Variants in LRRTM4 observed in about 807,000 individuals in gnomAD.
The protein encoded by LRRTM4 is leucine-rich repeat transmembrane neuronal protein 4.
In LRRTM4, 25 loss-of-function variants were observed where a neutral mutation model predicts 47.6. The ratio of observed to expected loss-of-function variants is 0.53; its 90% CI spans 0.38 to 0.73. The LOEUF (loss-of-function observed/expected upper bound fraction) is 0.73. LRRTM4 is among the 30% of genes least tolerant of loss of function. LRRTM4 has a pLI of 0.00. For missense variants in LRRTM4, 638 were observed against 713.4 expected (o/e 0.89, Z 1.20); for synonymous variants, 311 against 269.5 (o/e 1.15, Z -1.51).
chr2:76,863,555 G>A (rs1011914120), intron 3 of LRRTM4, among the ~76,000 whole-genome samples: 2 of 152,066 alleles, frequency 1.3e-5, no homozygotes, highest in Non-Finnish European at 2.9e-5. Context: ...TACAAATCCT[G>A]AACTCTCTGA....
At chr2:77,103,816 G>A (rs1246561841) in intron 3 of LRRTM4, among the ~76,000 whole-genome samples, 5 of 151,852 alleles carry the variant, frequency 3.3e-5, no homozygotes, top group African/African-American at 1.2e-4. Flanking sequence ...ACAATAAATG[G>A]CAGACCACAA....
At chr2:76,855,598 T>TACA (rs774885276) in intron 3 of LRRTM4, among the ~76,000 whole-genome samples, 34 of 152,294 alleles carry the variant, frequency 2.2e-4, no homozygotes, top group Admixed American at 5.2e-4. Flanking sequence ...CAAAAGGATG[T>TACA]ACAAAGACTG....
chr2:76,766,602 C>G (rs367880957), intron 3 of LRRTM4, among the ~76,000 whole-genome samples: 2 of 152,214 alleles, frequency 1.3e-5, no homozygotes, highest in South Asian at 2.1e-4. Flanking sequence ...CTGGCTGATT[C>G]ATTTCTGTAA....
chr2:76,976,791 G>A (rs1453964211), intron 3 of LRRTM4, among the ~76,000 whole-genome samples: 1 of 151,804 alleles, frequency 6.6e-6, no homozygotes, highest in Admixed American at 6.6e-5. Context: ...GGTAAATACG[G>A]TTAACAGTAA....
At position 77,519,288 on chromosome 2, in the gene LRRTM4, C is replaced by G; in HGVS notation, c.581G>C (p.Arg194Pro). The G allele has an allele frequency of 1.2e-6, 2 of 1,613,392 alleles. No homozygotes were observed. Among genetic ancestry groups the G allele is most frequent in the Non-Finnish European group, 1.7e-6 (2 of 1,179,592 alleles). Residue 194 changes from arginine (R) to proline (P), a missense_variant, in exon 3 of 4, where the codon CGA becomes CCA. By Grantham distance (103) the Arg-to-Pro change is moderately radical. Transcript: ENST00000409884. The surrounding 1 kb of genome is among the most constrained non-coding windows in gnomAD (Gnocchi z 4.6). Reference protein sequence around the residue: ...DFLDLGYNRLRSLSRNAFAGL... With the variant: ...DFLDLGYNRLPSLSRNAFAGL... ...AGCAAATGCATTTCGGGACAAGCTTCGAAGACGATTGTAACCCAAATCCAA... is the reference window on the plus strand; with the variant it reads ...AGCAAATGCATTTCGGGACAAGCTTGGAAGACGATTGTAACCCAAATCCAA...
chr2:77,048,208 C>T (rs570222984), intron 3 of LRRTM4, among the ~76,000 whole-genome samples: 3 of 151,754 alleles, frequency 2.0e-5, no homozygotes, highest in Non-Finnish European at 2.9e-5. Flanking sequence ...ATGATATATA[C>T]GTATGTATGT....
intron 3 of LRRTM4, among the ~76,000 whole-genome samples, chr2:77,085,711 C>T (rs1413793576): frequency 1.3e-5 from 2 of 152,138 alleles, no homozygotes; most frequent in Non-Finnish European, 2.9e-5. Flanking sequence ...TTGTCTCTTT[C>T]AAAAGTGGTG....
At chr2:77,385,343 C>T (rs1673219725) in intron 3 of LRRTM4, among the ~76,000 whole-genome samples, 1 of 152,102 alleles carries the variant, frequency 6.6e-6, no homozygotes, top group African/African-American at 2.4e-5. Flanking sequence ...ACTACATTAA[C>T]AATAGGCAAG....
intron 3 of LRRTM4, among the ~76,000 whole-genome samples, chr2:77,101,789 C>A (rs75757903): frequency 6.6e-6 from 1 of 152,122 alleles, no homozygotes; most frequent in Non-Finnish European, 1.5e-5. Flanking sequence ...AAATCAAGTT[C>A]ATCACCACTG....
At position 76,936,412 on chromosome 2, in the gene LRRTM4, G is replaced by A. The variant is rs187641243; in HGVS notation, c.1552-187496C>T. 8.4e-3 allele frequency among the ~76,000 whole-genome samples: 1,249 copies of A among 149,016 alleles called. 27 individuals carry two copies. Among genetic ancestry groups the A allele is most frequent in the African/African-American group, 0.028 (1,146 of 40,476 alleles). ...TGAGAACACATGCACACAGGGAGGG[G>A]AACATCACACACTGGGGCCTGTTGA... On this transcript the variant is annotated intron_variant, in intron 3 of 3. Transcript: ENST00000409884.
chr2:77,038,351 T>A (rs181508317), intron 3 of LRRTM4, among the ~76,000 whole-genome samples: 571 of 151,736 alleles, frequency 3.8e-3, no homozygotes, highest in African/African-American at 0.013. Context: ...CACTTGACCT[T>A]AGGCATGTTA....
intron 3 of LRRTM4, among the ~76,000 whole-genome samples, chr2:77,077,279 A>G (rs1473157239): frequency 5.9e-5 from 9 of 152,154 alleles, no homozygotes; most frequent in Non-Finnish European, 8.8e-5. Flanking sequence ...TTATCCATAC[A>G]TTTCCTAAAT....
At chr2:77,479,828 T>C (rs547116798) in intron 3 of LRRTM4, among the ~76,000 whole-genome samples, 2 of 152,222 alleles carry the variant, frequency 1.3e-5, no homozygotes, top group South Asian at 4.2e-4. Flanking sequence ...CTCATCAGAC[T>C]TCTTCAGAAT....
At chr2:77,060,024 T>C (rs566273490) in intron 3 of LRRTM4, among the ~76,000 whole-genome samples, 16 of 152,338 alleles carry the variant, frequency 1.1e-4, no homozygotes, top group Non-Finnish European at 1.9e-4. Context: ...TAGCAGACTA[T>C]GGCTTGCAGG....
At chr2:77,301,468 CATT>C (rs1388876859) in intron 3 of LRRTM4, among the ~76,000 whole-genome samples, 1 of 152,050 alleles carries the variant, frequency 6.6e-6, no homozygotes, top group African/African-American at 2.4e-5. Context: ...TTCTTTATGT[CATT>C]ATGTCACAGA....
At chr2:77,491,896 T>C (rs1311172750) in intron 3 of LRRTM4, among the ~76,000 whole-genome samples, 1 of 151,950 alleles carries the variant, frequency 6.6e-6, no homozygotes, top group East Asian at 1.9e-4. Flanking sequence ...ATAGACTTTC[T>C]GAAATGGTAA....
At chr2:76,925,045 G>C (rs1674545960) in intron 3 of LRRTM4, among the ~76,000 whole-genome samples, 1 of 151,948 alleles carries the variant, frequency 6.6e-6, no homozygotes, top group Non-Finnish European at 1.5e-5. Flanking sequence ...AGAGTCGATG[G>C]GCTGCCTCTC....
intron 3 of LRRTM4, among the ~76,000 whole-genome samples, chr2:77,083,133 C>T (rs1174307766): frequency 6.6e-6 from 1 of 152,024 alleles, no homozygotes; most frequent in Non-Finnish European, 1.5e-5. Context: ...TATGAGCAAA[C>T]CTGGAAAATT....
intron 3 of LRRTM4, among the ~76,000 whole-genome samples, chr2:76,793,636 G>C (rs1675098822): frequency 6.6e-6 from 1 of 152,122 alleles, no homozygotes; most frequent in East Asian, 1.9e-4. Flanking sequence ...CCAGGAAAAA[G>C]CGCAAAAGAG....
Sources: allele counts gnomAD v4.1 joint callset (sites outside exome capture counted in the v4.1 genomes callset), GRCh38; gene constraint gnomAD v4.1.1; non-coding constraint Gnocchi (gnomAD v3.1); transcripts MANE v1.5; gene names NCBI Gene and HGNC (gene_info 2026-07-23, HGNC 2026-07-21).